The following TMEM132B variants were observed in gnomAD, a reference collection of about 807,000 sequenced individuals.
The protein encoded by TMEM132B is transmembrane protein 132B.
In TMEM132B, 18 loss-of-function variants were observed where a neutral mutation model predicts 90.8. The observed-to-expected ratio is 0.20, with a 90% CI of 0.14 to 0.29. The LOEUF (loss-of-function observed/expected upper bound fraction) is 0.29, where lower values mean the gene tolerates loss of function less well. TMEM132B is among the 10% of genes least tolerant of loss of function. TMEM132B has a pLI of 1.00. For missense variants in TMEM132B, 1,096 were observed against 1,326.8 expected (o/e 0.83, Z 2.70); for synonymous variants, 504 against 523.3 (o/e 0.96, Z 0.50).
intron 1 of TMEM132B, among the ~76,000 whole-genome samples, chr12:125,319,411 G>A (rs1876370523): frequency 6.6e-6 from 1 of 152,202 alleles, no homozygotes; most frequent in African/African-American, 2.4e-5. Flanking sequence ...CGAGGCTGCC[G>A]CCTTGTGTTC....
intron 3 of TMEM132B, among the ~76,000 whole-genome samples, chr12:125,438,776 T>A (rs200962974): frequency 8.8e-5 from 3 of 33,916 alleles, no homozygotes; most frequent in Non-Finnish European, 1.4e-4. Flanking sequence ...ACAGGCCGTG[T>A]TTTTTGGTGT....
At chr12:125,359,118 A>G (rs76675249) in intron 2 of TMEM132B, among the ~76,000 whole-genome samples, 1,753 of 152,330 alleles carry the variant, frequency 0.012, 37 homozygotes, top group African/African-American at 0.039. Context: ...GATCGAGCAC[A>G]TGGCCCCCAC....
chr12:125,236,293 A>G (rs947543801), intron 1 of TMEM132B, among the ~76,000 whole-genome samples: 2 of 151,694 alleles, frequency 1.3e-5, no homozygotes, highest in Admixed American at 1.3e-4. Context: ...TTACAGGTGC[A>G]TACCACCACG....
rs768917407 is a variant in TMEM132B at position 125,432,397 on chromosome 12, A to ATATATATATATATGTATG, written c.1106+16721_1106+16722insATATATATATATGTATGT. 3.8e-4 allele frequency among the ~76,000 whole-genome samples: 26 copies of ATATATATATATATGTATG among 68,344 alleles called. 4 individuals are homozygous for ATATATATATATATGTATG. The highest frequency in any genetic ancestry group is 1.4e-3 in the African/African-American group (21 of 15,420). 44.8% of individuals were successfully genotyped at this position (68,344 alleles called of 152,430 possible). A position where few individuals can be genotyped will look rare whatever the true frequency, so the allele number is the denominator to read the frequency against. On this transcript the variant is annotated intron_variant, in intron 3 of 8. Coordinates refer to ENST00000682704, the MANE Select transcript of TMEM132B (RefSeq NM_001366854.1). ...TATATATATATATATATATATATAT[A>ATATATATATATATGTATG]TGTATGTATGTGTATATATATATAT... is the stretch of plus-strand genomic sequence containing the variant.
chr12:125,432,829 G>A (rs902419582), intron 3 of TMEM132B, among the ~76,000 whole-genome samples: 1 of 152,024 alleles, frequency 6.6e-6, no homozygotes, highest in Non-Finnish European at 1.5e-5. Context: ...GTGCACACAT[G>A]TCGACACTGT....
chr12:125,383,080 G>A (rs1878731162), intron 2 of TMEM132B, among the ~76,000 whole-genome samples: 1 of 152,174 alleles, frequency 6.6e-6, no homozygotes, highest in African/African-American at 2.4e-5. Context: ...TTCTCAGACT[G>A]TGGTACCAGC....
Position 125,424,014 on chromosome 12 carries a change from A to C in TMEM132B, c.1106+8337A>C, listed in dbSNP as rs1880243897. 3.9e-5 allele frequency among the ~76,000 whole-genome samples: 6 copies of C among 152,310 alleles called. No individual in the cohort carries two copies. The South Asian group carries it at 1.2e-3, about 32-fold the overall frequency. Reference sequence around the variant, plus strand: ...AACAATTTTTTCCAACAATTTCAAGATTTGTGGAGCCCTTCAATGAATCTG... The same window carrying C: ...AACAATTTTTTCCAACAATTTCAAGCTTTGTGGAGCCCTTCAATGAATCTG... On this transcript the variant is annotated intron_variant, in intron 3 of 8. Transcript: ENST00000682704.
At chr12:125,453,066 A>G (rs887265816) in intron 3 of TMEM132B, among the ~76,000 whole-genome samples, 1 of 144,144 alleles carries the variant, frequency 6.9e-6, no homozygotes, top group African/African-American at 2.7e-5. Flanking sequence ...TGTTTTTTGC[A>G]TTTCAGTAAA....
intron 3 of TMEM132B, among the ~76,000 whole-genome samples, chr12:125,431,485 C>T (rs368499443): frequency 2.6e-5 from 4 of 152,238 alleles, no homozygotes; most frequent in African/African-American, 9.6e-5. Context: ...TCAGGAGAGT[C>T]TGGGATAAGG....
At position 125,459,975 on chromosome 12, in the gene TMEM132B, G is replaced by A. The variant is rs895320438; in HGVS notation, c.1106+44298G>A. On this transcript the variant is annotated intron_variant, in intron 3 of 8. Transcript: ENST00000682704. The surrounding 1 kb of genome is among the most constrained non-coding windows in gnomAD (Gnocchi z 4.1). ...AGACGTGCCTTTCACCTTCCACCAT[G>A]ATTGTGAGGCCTCCCCAGCCATGTG... 7.2e-5 allele frequency among the ~76,000 whole-genome samples: 11 copies of A among 152,152 alleles called. No homozygotes were observed. Among genetic ancestry groups the A allele is most frequent in the African/African-American group, 2.4e-4 (10 of 41,428 alleles).
intron 1 of TMEM132B, among the ~76,000 whole-genome samples, chr12:125,310,732 C>G (rs1044698707): frequency 2.0e-5 from 3 of 152,156 alleles, no homozygotes; most frequent in Admixed American, 6.5e-5. Context: ...GACCTCCCCC[C>G]CAACAACACC....
intron 4 of TMEM132B, among the ~76,000 whole-genome samples, chr12:125,530,548 C>G (rs1423078376): frequency 1.3e-5 from 2 of 152,212 alleles, no homozygotes; most frequent in African/African-American, 4.8e-5. Context: ...TGGCTTAAAA[C>G]AATAGGAATT....
At chr12:125,526,250 C>G (rs1476261493) in intron 4 of TMEM132B, among the ~76,000 whole-genome samples, 1 of 152,214 alleles carries the variant, frequency 6.6e-6, no homozygotes, top group African/African-American at 2.4e-5. Flanking sequence ...CAACTGAAGG[C>G]TCTTCTTAGC....
chr12:125,474,778 G>C (rs1402397637), intron 3 of TMEM132B, among the ~76,000 whole-genome samples: 4 of 152,126 alleles, frequency 2.6e-5, no homozygotes, highest in Non-Finnish European at 5.9e-5. Flanking sequence ...CTGCTGTCAG[G>C]ATACATCCTC....
chr12:125,273,536 G>A (rs750307000), intron 1 of TMEM132B, among the ~76,000 whole-genome samples: 14 of 152,294 alleles, frequency 9.2e-5, no homozygotes, highest in Admixed American at 5.2e-4. Context: ...GCAGTGATCC[G>A]TGATCAAAAC....
rs1433838617 is a variant in TMEM132B at position 125,490,865 on chromosome 12, A to C, written c.1107-28574A>C. ...GCCACTTAAAAGACTAGGTCTCAAA[A>C]AGCATTGCACTTTCTTCCTTGCTGT... is the stretch of plus-strand genomic sequence containing the variant. On this transcript the variant is annotated intron_variant, in intron 3 of 8. Transcript: ENST00000682704. This position sits in a 1 kb window ranked among gnomAD's most constrained non-coding sequence, Gnocchi z 4.2. Among the ~76,000 whole-genome samples the C allele has an allele frequency of 1.3e-5, 2 of 152,238 alleles. No homozygotes were observed. The highest frequency in any genetic ancestry group is 6.5e-5 in the Admixed American group (1 of 15,278).
chr12:125,197,386 G>A (rs74595711), intron 1 of TMEM132B, among the ~76,000 whole-genome samples: 5,946 of 152,286 alleles, frequency 0.039, 154 homozygotes, highest in African/African-American at 0.065. Flanking sequence ...GGACATTTTA[G>A]AGATGTGTAA....
At chr12:125,470,894 G>A (rs1000682387) in intron 3 of TMEM132B, among the ~76,000 whole-genome samples, 7 of 152,150 alleles carry the variant, frequency 4.6e-5, no homozygotes, top group Non-Finnish European at 1.0e-4. Context: ...TGCCACAAGC[G>A]CTCATCCTCA....
chr12:125,606,168 T>C lies in TMEM132B; in HGVS notation c.1437+22174T>C, dbSNP rs147652800. On this transcript the variant is annotated intron_variant, in intron 5 of 8. Coordinates refer to ENST00000682704, the MANE Select transcript of TMEM132B (RefSeq NM_001366854.1). ...TGTGTCCTCTATGTGGAATCTAACA[T>C]AGGGAAAATATGAACAGTTCAGATT... 6.3e-3 allele frequency among the ~76,000 whole-genome samples: 962 copies of C among 152,214 alleles called. 12 individuals are homozygous for C. The highest frequency in any genetic ancestry group is 0.051 in the Middle Eastern group (15 of 294).
Sources: gnomAD v4.1 joint callset for allele counts (sites outside exome capture counted in the v4.1 genomes callset) on GRCh38, gnomAD v4.1.1 for gene constraint, Gnocchi (gnomAD v3.1) non-coding constraint, MANE v1.5 for transcripts, NCBI Gene and HGNC (gene_info 2026-07-23, HGNC 2026-07-21) for gene names.